PRKDC: variants seen among roughly 807,000 people sequenced by gnomAD.
PRKDC encodes the protein DNA-dependent protein kinase catalytic subunit.
In PRKDC, 82 loss-of-function variants were observed where a neutral mutation model predicts 486.9. That is an observed-to-expected ratio of 0.17 (90% CI 0.14 to 0.20). The LOEUF is 0.20. Ranked by LOEUF, PRKDC falls within the 10% of genes least tolerant of loss-of-function variation. The probability of loss-of-function intolerance (pLI) is 1.00; values close to 1 mark genes in which losing one functional copy is unlikely to be tolerated. For missense variants in PRKDC, 4,504 were observed against 5,038.2 expected (o/e 0.89, Z 3.21); for synonymous variants, 1,895 against 1,837.0 (o/e 1.03, Z -0.81).
chr8:47,900,031 G>A (rs2089651943), intron 28 of PRKDC, among the ~76,000 whole-genome samples: 1 of 152,166 alleles, frequency 6.6e-6, no homozygotes, highest in African/African-American at 2.4e-5. Context: ...ACCACATCCA[G>A]TTTCTTCAGC....
intron 51 of PRKDC, among the ~76,000 whole-genome samples, chr8:47,853,789 T>C (rs1396004328): frequency 1.3e-5 from 2 of 152,224 alleles, no homozygotes; most frequent in African/African-American, 4.8e-5. Context: ...CCCCAAACAT[T>C]TCTTCCAAAA....
intron 85 of PRKDC, among the ~76,000 whole-genome samples, chr8:47,775,883 T>A (rs1234477960): frequency 6.6e-6 from 1 of 150,818 alleles, no homozygotes; most frequent in Non-Finnish European, 1.5e-5. Context: ...AGTACAGTGG[T>A]GCCATCTTGG....
In PRKDC at chr8:47,889,013, C is replaced by T; in HGVS notation, c.4280+1G>A. 6.2e-7 allele frequency: 1 copy of T among 1,613,058 alleles called. No homozygotes were observed. Among genetic ancestry groups the T allele is most frequent in the Non-Finnish European group, 8.5e-7 (1 of 1,179,096 alleles). On this transcript the variant is annotated splice_donor_variant, in intron 33 of 85. Coordinates refer to ENST00000314191, the MANE Select transcript of PRKDC (RefSeq NM_006904.7). LOFTEE classifies it high-confidence loss of function. ...TCCCCGATTGTGACCCAAGTACCCA[C>T]CTCTGTGCTGTTATTTTCTCTCTCA... is the stretch of plus-strand genomic sequence containing the variant.
chr8:47,832,047 G>A, intron 59 of PRKDC, 121 bp from the exon 60 acceptor site: 1 of 823,736 alleles, frequency 1.2e-6, no homozygotes, highest in Non-Finnish European at 2.0e-6. Flanking sequence ...GCAGCGACCG[G>A]GAGCAGGAGT....
rs754012679 is a variant in PRKDC at position 47,886,128 on chromosome 8, A to C, written c.4592T>G (p.Leu1531Arg). 2 of 1,608,214 alleles carry C rather than the reference A, an allele frequency of 1.2e-6. No individual in the cohort carries two copies. Among genetic ancestry groups the C allele is most frequent in the African/African-American group, 2.7e-5 (2 of 74,702 alleles). ...GGACAGCACCGCTGGGTTCAGGAGA[A>C]GACTCACAAGGCGCTCACACTGGGA... Reference protein sequence around the residue: ...FGGLCERLVSLLLNPAVLSTA... With the variant: ...FGGLCERLVSRLLNPAVLSTA... The change falls in exon 36 of 86, where the codon CTT becomes CGT. Residue 1531 changes from leucine (L) to arginine (R), a missense_variant. Physicochemically the swap from Leu to Arg is moderately radical, Grantham distance 102 (BLOSUM62 -2). Around this residue, in one of 6 missense-constraint regions of PRKDC, gnomAD observed 1,969 missense variants for 2,068.9 expected, o/e 0.95. Transcript: ENST00000314191.
chr8:47,792,359 C>T lies in PRKDC; in HGVS notation c.10670+1931G>A, dbSNP rs1253413782. Among the ~76,000 whole-genome samples, 11 of 151,066 alleles carry T rather than the reference C, an allele frequency of 7.3e-5. 2 individuals carry two copies. The highest frequency in any genetic ancestry group is 2.0e-4 in the East Asian group (1 of 5,112). On this transcript the variant is annotated intron_variant, in intron 74 of 85. Transcript: ENST00000314191. Reference sequence around the variant, plus strand: ...CTGCAAGCTCCGCCTCCCGGGTTCACGCCATTCTCCTGCCTCAGCCTCCCA... The same window carrying T: ...CTGCAAGCTCCGCCTCCCGGGTTCATGCCATTCTCCTGCCTCAGCCTCCCA...
chr8:47,915,760 C>T (rs2089973443), intron 22 of PRKDC, among the ~76,000 whole-genome samples: 1 of 152,202 alleles, frequency 6.6e-6, no homozygotes, highest in African/African-American at 2.4e-5. Flanking sequence ...TAGTGCAGAT[C>T]CGTTTACAGT....
At position 47,862,137 on chromosome 8, in the gene PRKDC, C is replaced by T. The variant is rs2154500699; in HGVS notation, c.5920-10G>A. The T allele has an allele frequency of 1.3e-6, 2 of 1,540,168 alleles. No homozygotes were observed. Among genetic ancestry groups the T allele is most frequent in the East Asian group, 2.4e-5 (1 of 40,972 alleles). ...CAAAAATAAGCAAGTTCTGTGAATA[C>T]AAAGAATCATATAAAAATAGCTGAA... On this transcript the variant is annotated splice_polypyrimidine_tract_variant and intron_variant, in intron 43 of 85. Coordinates refer to ENST00000314191, the MANE Select transcript of PRKDC (RefSeq NM_006904.7).
chr8:47,800,741 C>CA, intron 71 of PRKDC, 52 bp downstream of exon 71: 2 of 1,480,800 alleles, frequency 1.4e-6, no homozygotes, highest in Non-Finnish European at 1.8e-6. Context: ...CTGAACACTG[C>CA]ACATTGAAGA....
rs568700006 is a variant in PRKDC at position 47,831,074 on chromosome 8, T to G, written c.8266-338A>C. On this transcript the variant is annotated intron_variant, in intron 60 of 85. Transcript: ENST00000314191. ...AACGAGGCCGGCAGCCGGTCCCCAC[T>G]TCCGCCCCAAGGTCCTGCCCTCCGG... is the stretch of plus-strand genomic sequence containing the variant. 2.0e-5 allele frequency among the ~76,000 whole-genome samples: 3 copies of G among 152,334 alleles called. No individual in the cohort carries two copies. In the South Asian group the frequency reaches 6.2e-4, roughly 32 times the overall value.
At chr8:47,873,921 A>G (rs1205703175) in intron 40 of PRKDC, among the ~76,000 whole-genome samples, 1 of 152,088 alleles carries the variant, frequency 6.6e-6, no homozygotes, top group Admixed American at 6.5e-5. Context: ...ATGGTTAGAT[A>G]GAATAAATAA....
At chr8:47,864,806 A>G (rs954889065) in intron 40 of PRKDC, 43 bp from the exon 41 acceptor site, 3 of 1,469,914 alleles carry the variant, frequency 2.0e-6, no homozygotes, top group African/African-American at 2.8e-5. Flanking sequence ...CCTGCTTTGA[A>G]GAGGAACTTT....
intron 41 of PRKDC, 72 bp from the exon 42 acceptor site, chr8:47,863,649 T>C (rs1019504108): frequency 1.7e-5 from 22 of 1,269,256 alleles, no homozygotes; most frequent in Non-Finnish European, 2.4e-5. Context: ...ATATATCAAA[T>C]TTAATACTTA....
Position 47,831,839 on chromosome 8 carries a change from C to T in PRKDC, c.8240G>A (p.Gly2747Asp). The T allele has an allele frequency of 6.2e-7, 1 of 1,614,042 alleles. No homozygotes were observed. The highest frequency in any genetic ancestry group is 8.5e-7 in the Non-Finnish European group (1 of 1,179,886). The change falls in exon 60 of 86, where the codon GGC (glycine) becomes GAC (aspartate). Residue 2747 changes from glycine to aspartate, a missense_variant. Transcript: ENST00000314191. ...EKLSLMYARK[G>D]VAEQKREKEI... ...CTTCTCTCGTTTTTGCTCAGCAACG[C>T]CTTTTCTGGCATACATCAAACTGAG...
At chr8:47,918,815 G>T (rs972271850) in intron 21 of PRKDC, among the ~76,000 whole-genome samples, 3 of 152,186 alleles carry the variant, frequency 2.0e-5, no homozygotes, top group Admixed American at 1.3e-4. Flanking sequence ...TAGGATGAAA[G>T]AAATGATGGG....
In PRKDC at chr8:47,960,093, G is replaced by A. The variant is rs1215593528; in HGVS notation, c.34C>T (p.Leu12=). ...GACAAGGTCTCCTGCAGCCGCAGCA[G>A]GGAGCAACGCACACCGGCTCCGGAG... ...AGSGAGVRCS[L]LRLQETLSAA... Residue 12 remains leucine (L), a synonymous_variant, in exon 1 of 86, where the codon CTG becomes TTG. Transcript: ENST00000314191. 5 of 1,528,982 alleles carry A rather than the reference G, an allele frequency of 3.3e-6. No homozygotes were observed. The highest frequency in any genetic ancestry group is 2.8e-5 in the African/African-American group (2 of 72,308). 94.7% of individuals were successfully genotyped at this position (1,528,982 alleles called of 1,614,324 possible).
intron 21 of PRKDC, among the ~76,000 whole-genome samples, chr8:47,925,031 GCCT>G (rs2090134642): frequency 6.6e-6 from 1 of 152,188 alleles, no homozygotes; most frequent in Non-Finnish European, 1.5e-5. Flanking sequence ...ACACGTGGGT[GCCT>G]CATCTGGCTT....
chr8:47,805,088 G>T (rs1462664515), intron 69 of PRKDC: 1 of 151,500 alleles, frequency 6.6e-6, no homozygotes, highest in African/African-American at 2.4e-5. Context: ...TTTAAGTATA[G>T]TCAAGTGAAG....
chr8:47,915,234 A>G, intron 23 of PRKDC, 94 bp downstream of exon 23: 1 of 674,184 alleles, frequency 1.5e-6, no homozygotes, highest in Non-Finnish European at 2.4e-6. Flanking sequence ...AATCACATAT[A>G]GGAGCAAATA....
Sources: gnomAD v4.1 joint callset for allele counts (sites outside exome capture counted in the v4.1 genomes callset) on GRCh38, gnomAD v4.1.1 for gene constraint, gnomAD v4.1.1 regional missense constraint, MANE v1.5 for transcripts, NCBI Gene and HGNC (gene_info 2026-07-23, HGNC 2026-07-21) for gene names.